Variants in DSCAM observed in about 807,000 individuals in gnomAD.
DSCAM encodes the protein cell adhesion molecule DSCAM.
A neutral mutation model predicts 217.7 loss-of-function variants in DSCAM; 47 were observed. That is an observed-to-expected ratio of 0.22 (90% CI 0.17 to 0.28). The LOEUF (loss-of-function observed/expected upper bound fraction) is 0.28. Ranked by LOEUF, DSCAM falls within the 10% of genes least tolerant of loss-of-function variation. The pLI, the probability that DSCAM is intolerant of heterozygous loss-of-function variation, is 1.00. For synonymous variants in DSCAM, 1,056 were observed against 1,015.3 expected (o/e 1.04, Z -0.76); for missense variants, 2,080 against 2,618.3 (o/e 0.79, Z 4.49).
At chr21:40,204,827 G>A (rs1376224949) in intron 11 of DSCAM, among the ~76,000 whole-genome samples, 3 of 152,196 alleles carry the variant, frequency 2.0e-5, no homozygotes, top group Non-Finnish European at 4.4e-5. Context: ...GTCTGCACAT[G>A]CACACACACA....
chr21:40,639,772 T>C (rs1483464071), intron 3 of DSCAM, among the ~76,000 whole-genome samples: 1 of 151,884 alleles, frequency 6.6e-6, no homozygotes. Context: ...CCAGGAGAAA[T>C]AAAAGCCATC....
intron 3 of DSCAM, among the ~76,000 whole-genome samples, chr21:40,416,563 G>C (rs1257144656): frequency 6.6e-6 from 1 of 152,032 alleles, no homozygotes; most frequent in Non-Finnish European, 1.5e-5. Flanking sequence ...TGTATTTCAA[G>C]ACAAAGCAAG....
At chr21:40,522,100 ACT>A (rs1344557829) in intron 3 of DSCAM, among the ~76,000 whole-genome samples, 1 of 152,094 alleles carries the variant, frequency 6.6e-6, no homozygotes, top group African/African-American at 2.4e-5. Flanking sequence ...AGGTTGAGAA[ACT>A]CTGCTATAGA....
chr21:40,800,927 G>C (rs2091734686), intron 1 of DSCAM, among the ~76,000 whole-genome samples: 3 of 150,474 alleles, frequency 2.0e-5, no homozygotes, highest in Admixed American at 2.0e-4. Flanking sequence ...TGTTGGTCAG[G>C]CTGGTCTCAA....
intron 3 of DSCAM, among the ~76,000 whole-genome samples, chr21:40,475,746 G>A (rs952653910): frequency 7.9e-5 from 12 of 152,070 alleles, no homozygotes; most frequent in South Asian, 2.1e-4. Flanking sequence ...CAGGAGAATC[G>A]CTTGAACCTG....
chr21:40,214,293 A>T (rs1038235186), intron 11 of DSCAM, among the ~76,000 whole-genome samples: 2 of 152,232 alleles, frequency 1.3e-5, no homozygotes, highest in Non-Finnish European at 2.9e-5. Context: ...ATTCTTACTC[A>T]GTCATAGTTA....
At chr21:40,093,961 A>C in intron 20 of DSCAM, 87 bp from the exon 21 acceptor site, 2 of 1,395,160 alleles carry the variant, frequency 1.4e-6, no homozygotes, top group South Asian at 2.8e-5. Flanking sequence ...GAACATATTA[A>C]ATATCATAAC....
chr21:40,748,947 T>C (rs1444381194), intron 1 of DSCAM, among the ~76,000 whole-genome samples: 1 of 152,054 alleles, frequency 6.6e-6, no homozygotes, highest in Admixed American at 6.5e-5. Context: ...ATCCAAATGA[T>C]TTTTAACAAA....
chr21:40,306,170 T>C (rs1166644102), intron 9 of DSCAM, among the ~76,000 whole-genome samples: 6 of 150,520 alleles, frequency 4.0e-5, no homozygotes, highest in Non-Finnish European at 7.4e-5. Context: ...CCCTTGTAAG[T>C]TGGATTCCTA....
intron 11 of DSCAM, among the ~76,000 whole-genome samples, chr21:40,274,949 C>T (rs2073667152): frequency 6.6e-6 from 1 of 152,102 alleles, no homozygotes; most frequent in African/African-American, 2.4e-5. Context: ...CTGAATGCCA[C>T]TTTTAAATCT....
At chr21:40,639,348 T>A (rs1385736080) in intron 3 of DSCAM, among the ~76,000 whole-genome samples, 5 of 152,180 alleles carry the variant, frequency 3.3e-5, no homozygotes, top group African/African-American at 1.2e-4. Context: ...CCTCAGAAGC[T>A]TTTTAGTATG....
intron 3 of DSCAM, among the ~76,000 whole-genome samples, chr21:40,437,187 T>C (rs912641431): frequency 1.3e-5 from 2 of 152,156 alleles, no homozygotes; most frequent in African/African-American, 2.4e-5. Context: ...GCGGCTTTCT[T>C]CAGAAGGGGT....
At chr21:40,596,760 G>T (rs1462749790) in intron 3 of DSCAM, among the ~76,000 whole-genome samples, 1 of 152,038 alleles carries the variant, frequency 6.6e-6, no homozygotes, top group Admixed American at 6.6e-5. Context: ...GGGAAACATA[G>T]AATGATTTTT....
chr21:40,607,483 G>A (rs758836047), intron 3 of DSCAM, among the ~76,000 whole-genome samples: 2 of 150,778 alleles, frequency 1.3e-5, no homozygotes. Flanking sequence ...CTTTCTTTAG[G>A]GGAAAAATGA....
chr21:40,787,509 T>C (rs751192921), intron 1 of DSCAM, among the ~76,000 whole-genome samples: 5 of 152,162 alleles, frequency 3.3e-5, no homozygotes, highest in Non-Finnish European at 7.3e-5. Flanking sequence ...GTCAAAACGA[T>C]TGGGTTATCT....
chr21:40,685,453 C>T (rs1450486318), intron 3 of DSCAM, among the ~76,000 whole-genome samples: 7 of 152,178 alleles, frequency 4.6e-5, no homozygotes, highest in Admixed American at 3.3e-4. Context: ...AGGGTGCCTA[C>T]GTGACCTGCC....
chr21:40,389,530 T>C (rs951104701), intron 3 of DSCAM, among the ~76,000 whole-genome samples: 1 of 152,238 alleles, frequency 6.6e-6, no homozygotes, highest in African/African-American at 2.4e-5. Flanking sequence ...GGTATATTGA[T>C]TAAATTATTT....
At chr21:40,543,282 G>A (rs1235170126) in intron 3 of DSCAM, among the ~76,000 whole-genome samples, 1 of 152,098 alleles carries the variant, frequency 6.6e-6, no homozygotes, top group African/African-American at 2.4e-5. Context: ...AGGAAGTCCT[G>A]CCATTTCCCT....
chr21:40,199,035 G>A (rs1231691955), intron 11 of DSCAM, among the ~76,000 whole-genome samples: 2 of 152,126 alleles, frequency 1.3e-5, no homozygotes, highest in African/African-American at 4.8e-5. Context: ...AAGAAGAGCT[G>A]AGGAGAGGGC....
Sources: gnomAD v4.1 joint callset for allele counts (sites outside exome capture counted in the v4.1 genomes callset) on GRCh38, gnomAD v4.1.1 for gene constraint, MANE v1.5 for transcripts, NCBI Gene and HGNC (gene_info 2026-07-23, HGNC 2026-07-21) for gene names.